The following FCGRT variants were observed in gnomAD, a reference collection of about 807,000 sequenced individuals.
The protein encoded by FCGRT is Fc gamma receptor and transporter.
FCGRT carries 13 observed loss-of-function variants against 35.7 expected under a neutral mutation model. The ratio of observed to expected loss-of-function variants is 0.36; its 90% CI spans 0.24 to 0.58. FCGRT has a LOEUF of 0.58. Among genes scored for constraint, FCGRT ranks in the 20% least tolerant of loss-of-function variants. The pLI, the probability that FCGRT is intolerant of heterozygous loss-of-function variation, is 0.77. For missense variants in FCGRT, 455 were observed against 474.9 expected (o/e 0.96, Z 0.39); for synonymous variants, 233 against 216.5 (o/e 1.08, Z -0.67).
At chr19:49,524,041 C>G (rs188279046) in intron 4 of FCGRT, among the ~76,000 whole-genome samples, 1 of 146,290 alleles carries the variant, frequency 6.8e-6, no homozygotes, top group South Asian at 2.2e-4. Context: ...TTTTCTGAGA[C>G]GGGGTCTCAC....
At chr19:49,525,723 G>T in intron 6 of FCGRT, 150 bp downstream of exon 6, 1 of 664,282 alleles carries the variant, frequency 1.5e-6, no homozygotes, top group East Asian at 2.7e-5. Context: ...GAACAGAGGT[G>T]CAGAGAGAGG....
At chr19:49,522,463 G>T (rs1023038416) in intron 4 of FCGRT, among the ~76,000 whole-genome samples, 9 of 151,452 alleles carry the variant, frequency 5.9e-5, no homozygotes, top group African/African-American at 1.5e-4. Context: ...AGACAGTCTT[G>T]CTCTGTCGCC....
chr19:49,518,113 A>T (rs554847298), intron 4 of FCGRT, among the ~76,000 whole-genome samples: 1 of 152,262 alleles, frequency 6.6e-6, no homozygotes, highest in African/African-American at 2.4e-5. Flanking sequence ...GTGCCCAGCC[A>T]GACTGTTTTG....
intron 1 of FCGRT, chr19:49,513,127 G>A (rs2079983055): frequency 3.5e-6 from 1 of 284,852 alleles, no homozygotes; most frequent in South Asian, 1.5e-4. Context: ...AGGAGGGGCT[G>A]GGGCCTGAGG....
In FCGRT at chr19:49,524,613, G is replaced by A. The variant is rs1279142747; in HGVS notation, c.708G>A (p.Leu236=). Residue 236 remains leucine (L), a synonymous_variant, in exon 5 of 7, where the codon CTG becomes CTA. Transcript: ENST00000221466. ...CTCCGGAGCTGCAACTTCGGTTCCT[G>A]CGGAATGGGCTGGCCGCTGGCACCG... ...FYPPELQLRF[L]RNGLAAGTGQ... is the part of the protein sequence containing the mutation. 4 of 1,610,992 alleles carry A rather than the reference G, an allele frequency of 2.5e-6. No homozygotes were observed. In the African/African-American group the frequency reaches 4.0e-5, roughly 16 times the overall value.
chr19:49,525,760 G>A (rs1293969769), intron 6 of FCGRT, among the ~76,000 whole-genome samples, 187 bp downstream of exon 6: 3 of 151,464 alleles, frequency 2.0e-5, no homozygotes, highest in Non-Finnish European at 1.5e-5. Context: ...CCCAGAGACG[G>A]GGGAACAGAG....
intron 4 of FCGRT, chr19:49,521,581 AAAAGGAAAAG>A (rs1381975812): frequency 6.6e-6 from 1 of 151,636 alleles, no homozygotes; most frequent in Non-Finnish European, 1.5e-5. Flanking sequence ...AAAAAAAAAA[AAAAGGAAAAG>A]AAAGCCTGGG....
rs139316391 is a variant in FCGRT, at chr19:49,513,714, G to GTCTCTCTCTCTCTCCCTCTCTC, written c.74-155_74-154insCCCTCTCTCTCTCTCTCTCTCT. 38 of 532,254 alleles carry GTCTCTCTCTCTCTCCCTCTCTC rather than the reference G, an allele frequency of 7.1e-5. 1 individual carries two copies. The African/African-American group carries it at 8.8e-4, about 12-fold the overall frequency. The allele number at this position is 532,254 out of a possible 1,614,324, so 33.0% of individuals were successfully genotyped here. On this transcript the variant is annotated intron_variant, in intron 2 of 6. Coordinates refer to ENST00000221466, the MANE Select transcript of FCGRT (RefSeq NM_001136019.3). The stretch of plus-strand genomic sequence containing the variant: ...GTCCCCCTCTCTTTCTGGGTCTCTT[G>GTCTCTCTCTCTCTCCCTCTCTC]TCTCTCTCTCTCTGGGTCTCTGTCC...
chr19:49,513,216 A>T, intron 1 of FCGRT, 171 bp from the exon 2 acceptor site: 2 of 391,940 alleles, frequency 5.1e-6, no homozygotes, highest in Non-Finnish European at 9.0e-6. Context: ...ACCAACTGAG[A>T]TCCAGTTCAG....
intron 4 of FCGRT, among the ~76,000 whole-genome samples, chr19:49,516,759 TGCTGGCCAG>T (rs1395216271): frequency 6.6e-6 from 1 of 151,864 alleles, no homozygotes; most frequent in Admixed American, 6.6e-5. Context: ...GGCTTCACCA[TGCTGGCCAG>T]GCTGGTCTCG....
chr19:49,521,719 G>C (rs926541585), intron 4 of FCGRT: 1 of 150,734 alleles, frequency 6.6e-6, no homozygotes, highest in Non-Finnish European at 1.5e-5. Flanking sequence ...GCCTAGACTG[G>C]AGTGCAGTAG....
rs1348692036 is a variant in FCGRT, at chr19:49,513,430, G to A, written c.30G>A (p.Ala10=). The change falls in exon 2 of 7, where the codon GCG becomes GCA. Residue 10 remains alanine, a synonymous_variant. Transcript: ENST00000221466. MGVPRPQPW[A]LGLLLFLLPG... ...GGGTCCCGCGGCCTCAGCCCTGGGCGCTGGGGCTCCTGCTCTTTCTCCTTC... is the reference window on the plus strand; with the variant it reads ...GGGTCCCGCGGCCTCAGCCCTGGGCACTGGGGCTCCTGCTCTTTCTCCTTC... 2 of 1,245,208 alleles carry A rather than the reference G, an allele frequency of 1.6e-6. No individual in the cohort carries two copies. Among genetic ancestry groups the A allele is most frequent in the African/African-American group, 1.6e-5 (1 of 64,314 alleles). 77.1% of individuals were successfully genotyped at this position (1,245,208 alleles called of 1,614,324 possible).
intron 5 of FCGRT, 83 bp from the exon 6 acceptor site, chr19:49,525,374 G>C (rs947592791): frequency 4.2e-5 from 42 of 1,008,356 alleles, no homozygotes; most frequent in Non-Finnish European, 6.3e-5. Context: ...AGGCTGGGAG[G>C]GACTGGGAGC....
intron 4 of FCGRT, among the ~76,000 whole-genome samples, chr19:49,518,957 C>T (rs1034140679): frequency 6.6e-6 from 1 of 152,132 alleles, no homozygotes; most frequent in Non-Finnish European, 1.5e-5. Context: ...ATTCTCCTGC[C>T]TCAGCCTCCC....
At chr19:49,525,239 A>G (rs893342402) in intron 5 of FCGRT, 3 of 548,830 alleles carry the variant, frequency 5.5e-6, no homozygotes, top group African/African-American at 3.8e-5. Flanking sequence ...CTGCTGATCC[A>G]TTGCCGGTGT....
At chr19:49,524,037 G>A (rs1336279470) in intron 4 of FCGRT, among the ~76,000 whole-genome samples, 1 of 137,890 alleles carries the variant, frequency 7.3e-6, no homozygotes, top group Non-Finnish European at 1.6e-5. Flanking sequence ...CTTTTTTTCT[G>A]AGACGGGGTC....
At chr19:49,524,399 C>G in intron 4 of FCGRT, 108 bp from the exon 5 acceptor site, 1 of 1,216,108 alleles carries the variant, frequency 8.2e-7, no homozygotes, top group Non-Finnish European at 1.2e-6. Flanking sequence ...ACTGTATTAT[C>G]TGCGGTTAGC....
intron 4 of FCGRT, 90 bp from the exon 5 acceptor site, chr19:49,524,417 A>G: frequency 1.4e-6 from 2 of 1,404,938 alleles, no homozygotes; most frequent in Non-Finnish European, 1.9e-6. Context: ...AGCACAGTGC[A>G]AACATGGAGG....
chr19:49,525,575 TG>T lies in FCGRT; in HGVS notation c.988+8del, dbSNP rs761385658. 8.1e-6 allele frequency: 13 copies of T among 1,597,966 alleles called. No homozygotes were observed. The highest frequency in any genetic ancestry group is 1.0e-5 in the Non-Finnish European group (12 of 1,167,588). ...GAAGGATGAGGAGTGGGCTGCCAGG[TG>T]GGGGGCAGCGGGAGGAAGAGCCTCT... On this transcript the variant is annotated splice_donor_region_variant and intron_variant, in intron 6 of 6. Transcript: ENST00000221466.
Sources: allele counts gnomAD v4.1 joint callset (sites outside exome capture counted in the v4.1 genomes callset), GRCh38; gene constraint gnomAD v4.1.1; transcripts MANE v1.5; gene names NCBI Gene and HGNC (gene_info 2026-07-23, HGNC 2026-07-21).